PCDHGA1: variants seen among roughly 807,000 people sequenced by gnomAD.
The protein encoded by PCDHGA1 is protocadherin gamma subfamily A, 1.
A neutral mutation model predicts 58.0 loss-of-function variants in PCDHGA1; 32 were observed. That is an observed-to-expected ratio of 0.55 (90% CI 0.42 to 0.74). PCDHGA1 has a LOEUF of 0.74. Ranked by LOEUF, PCDHGA1 falls within the 30% of genes least tolerant of loss-of-function variation. PCDHGA1 has a pLI of 0.00. For missense variants in PCDHGA1, 1,205 were observed against 1,182.3 expected, an observed-to-expected ratio of 1.02 and a Z score of -0.28; for synonymous variants, 498 against 501.1, an observed-to-expected ratio of 0.99 and a Z score of 0.08.
intron 1 of PCDHGA1, chr5:141,411,968 T>C (rs1257112227): frequency 6.6e-6 from 1 of 152,260 alleles, no homozygotes; most frequent in Non-Finnish European, 1.5e-5. Flanking sequence ...GATAAAATCT[T>C]TGAAGAGTTC....
chr5:141,482,611 G>C (rs1016481108), intron 1 of PCDHGA1, among the ~76,000 whole-genome samples: 4 of 150,398 alleles, frequency 2.7e-5, no homozygotes, highest in Non-Finnish European at 5.9e-5. Context: ...ACACCTAAAT[G>C]AGCCTGGAGA....
intron 1 of PCDHGA1, chr5:141,364,199 C>A: frequency 9.0e-7 from 1 of 1,116,560 alleles, no homozygotes; most frequent in Non-Finnish European, 1.2e-6. Context: ...ACACACAGAC[C>A]AGACAAGCTC....
At chr5:141,404,097 T>C in intron 1 of PCDHGA1, 1 of 1,613,584 alleles carries the variant, frequency 6.2e-7, no homozygotes, top group Non-Finnish European at 8.5e-7. Flanking sequence ...AATGGTCAAG[T>C]TGTCTGTTCT....
In PCDHGA1 at chr5:141,431,159, C is replaced by A. The variant is rs1017606383; in HGVS notation, c.2422-63648C>A. On this transcript the variant is annotated intron_variant, in intron 1 of 3. Coordinates refer to ENST00000517417, the MANE Select transcript of PCDHGA1 (RefSeq NM_018912.3). The surrounding 1 kb of genome is among the most constrained non-coding windows in gnomAD (Gnocchi z 4.8). The stretch of plus-strand genomic sequence containing the variant: ...CATTAACGACAATGCGCCTTACTTT[C>A]GTGAAAGTGAATTAGAAATAAAAAT... The A allele has an allele frequency of 6.2e-7, 1 of 1,614,158 alleles. No homozygotes were observed. The highest frequency in any genetic ancestry group is 1.3e-5 in the African/African-American group (1 of 75,046).
intron 1 of PCDHGA1, among the ~76,000 whole-genome samples, chr5:141,481,913 CAAAAA>C (rs34114744): frequency 1.1e-5 from 1 of 90,852 alleles, no homozygotes; most frequent in Non-Finnish European, 2.2e-5. Flanking sequence ...AACTCCATCT[CAAAAA>C]AAAAAAAAAA....
chr5:141,364,357 C>A, intron 1 of PCDHGA1: 2 of 1,556,048 alleles, frequency 1.3e-6, no homozygotes, highest in South Asian at 1.2e-5. Flanking sequence ...GGGGCTGGGG[C>A]TGCGGAGAGC....
rs755706235 is a variant in PCDHGA1 at position 141,476,450 on chromosome 5, G to A, written c.2422-18357G>A. ...TTGCACTGTAACTCTGGAGTTGGTA[G>A]TGGAGAACCCGCTGGAGCTGTTCAG... On this transcript the variant is annotated intron_variant, in intron 1 of 3. Transcript: ENST00000517417. The surrounding 1 kb of genome is among the most constrained non-coding windows in gnomAD (Gnocchi z 7.6). The A allele has an allele frequency of 6.2e-7, 1 of 1,614,180 alleles. No individual in the cohort carries two copies. The highest frequency in any genetic ancestry group is 8.5e-7 in the Non-Finnish European group (1 of 1,180,040).
chr5:141,375,719 G>A (rs1478749716), intron 1 of PCDHGA1: 2 of 1,614,142 alleles, frequency 1.2e-6, no homozygotes, highest in South Asian at 2.2e-5. Flanking sequence ...TAGCAGCAAC[G>A]TGTCACTGAG....
intron 1 of PCDHGA1, chr5:141,346,549 C>A: frequency 6.6e-7 from 1 of 1,524,712 alleles, no homozygotes; most frequent in Non-Finnish European, 8.9e-7. Flanking sequence ...GAAATAAAGC[C>A]ATGAGGTTGT....
chr5:141,404,157 A>G (rs746450194), intron 1 of PCDHGA1: 12 of 1,613,094 alleles, frequency 7.4e-6, no homozygotes, highest in Non-Finnish European at 5.9e-6. Flanking sequence ...GAAGATTATT[A>G]CAGATTGTTG....
chr5:141,362,791 C>A (rs1561527950), intron 1 of PCDHGA1, among the ~76,000 whole-genome samples: 2 of 152,318 alleles, frequency 1.3e-5, no homozygotes, highest in East Asian at 3.9e-4. Flanking sequence ...TCTTTTTCTT[C>A]CTCATCTTTA....
At chr5:141,375,071 A>T in intron 1 of PCDHGA1, 1 of 1,614,046 alleles carries the variant, frequency 6.2e-7, no homozygotes, top group Non-Finnish European at 8.5e-7. Context: ...TCTTCGAGAC[A>T]GAGCGAAAGT....
chr5:141,394,535 C>T, intron 1 of PCDHGA1: 1 of 1,614,210 alleles, frequency 6.2e-7, no homozygotes, highest in Non-Finnish European at 8.5e-7. Flanking sequence ...GTTCCACTGG[C>T]GTGGAGCTGG....
rs1441791773 is a variant in PCDHGA1, at chr5:141,486,038, G to A, written c.2422-8769G>A. The A allele has an allele frequency of 1.9e-6, 3 of 1,614,066 alleles. No individual in the cohort carries two copies. The highest frequency in any genetic ancestry group is 1.1e-5 in the South Asian group (1 of 91,088). On this transcript the variant is annotated intron_variant, in intron 1 of 3. Coordinates refer to ENST00000517417, the MANE Select transcript of PCDHGA1 (RefSeq NM_018912.3). The surrounding 1 kb of genome is among the most constrained non-coding windows in gnomAD (Gnocchi z 5.0). ...TTTCAGTGGTCATACCCCTGATCGT[G>A]TAAGAAACCTCTTTAGCCTGCACCC...
intron 1 of PCDHGA1, chr5:141,392,953 A>T: frequency 6.2e-7 from 1 of 1,613,924 alleles, no homozygotes; most frequent in Non-Finnish European, 8.5e-7. Context: ...TTCGTGGGTA[A>T]TATCTCCAAG....
Position 141,330,763 on chromosome 5 carries a change from G to T in PCDHGA1, c.79G>T (p.Gly27Trp). Residue 27 changes from glycine (G) to tryptophan (W), a missense_variant, in exon 1 of 4, where the codon GGG (glycine) becomes TGG (tryptophan). By Grantham distance (184) the Gly-to-Trp change is radical. Coordinates refer to ENST00000517417, the MANE Select transcript of PCDHGA1 (RefSeq NM_018912.3). ...TTCTCTGGAGCTGCTGTTGGAAGCT[G>T]GGGCTGGGAATATTCACTACTCAGT... ...CLSLELLLEA[G>W]AGNIHYSVPE... 6.2e-7 allele frequency: 1 copy of T among 1,614,186 alleles called. No homozygotes were observed. Among genetic ancestry groups the T allele is most frequent in the Non-Finnish European group, 8.5e-7 (1 of 1,180,018 alleles).
chr5:141,377,448 G>A (rs976885039), intron 1 of PCDHGA1: 1 of 151,974 alleles, frequency 6.6e-6, no homozygotes, highest in Non-Finnish European at 1.5e-5. Flanking sequence ...AGAAAAAAAA[G>A]TAGCCAGATG....
At chr5:141,423,202 G>A (rs771252840) in intron 1 of PCDHGA1, 67 of 1,613,500 alleles carry the variant, frequency 4.2e-5, no homozygotes, top group Non-Finnish European at 5.5e-5. Context: ...CTCGGCCACC[G>A]TCACGCTCAC....
At chr5:141,384,379 G>A (rs1780024386) in intron 1 of PCDHGA1, 2 of 1,613,934 alleles carry the variant, frequency 1.2e-6, no homozygotes, top group Non-Finnish European at 8.5e-7. Context: ...CTTGGCCGAA[G>A]ACACCATCCA....
Sources: allele counts gnomAD v4.1 joint callset (sites outside exome capture counted in the v4.1 genomes callset), GRCh38; gene constraint gnomAD v4.1.1; non-coding constraint Gnocchi (gnomAD v3.1); transcripts MANE v1.5; gene names NCBI Gene and HGNC (gene_info 2026-07-23, HGNC 2026-07-21).